The following ARHGEF28 variants were observed in gnomAD, a reference collection of about 807,000 sequenced individuals.
ARHGEF28 encodes the protein Rho guanine nucleotide exchange factor 28, also known as 190 kDa guanine nucleotide exchange factor.
In ARHGEF28, 152 loss-of-function variants were observed where a neutral mutation model predicts 206.6. The ratio of observed to expected loss-of-function variants is 0.74; its 90% CI spans 0.64 to 0.84. The LOEUF (loss-of-function observed/expected upper bound fraction) is 0.84, where lower values mean the gene tolerates loss of function less well. ARHGEF28 is among the 40% of genes least tolerant of loss of function. The probability of loss-of-function intolerance (pLI) is 0.00; values close to 1 mark genes in which losing one functional copy is unlikely to be tolerated. For missense variants in ARHGEF28, 2,028 were observed against 2,073.2 expected (o/e 0.98, Z 0.42); for synonymous variants, 763 against 776.4 (o/e 0.98, Z 0.29).
chr5:73,707,109 G>A (rs564997420), intron 2 of ARHGEF28, among the ~76,000 whole-genome samples: 1 of 152,234 alleles, frequency 6.6e-6, no homozygotes, highest in South Asian at 2.1e-4. Context: ...CCTCCCCTTG[G>A]ACTGTGTGGC....
chr5:73,631,652 C>T (rs1191289751), intron 1 of ARHGEF28, among the ~76,000 whole-genome samples: 1 of 152,162 alleles, frequency 6.6e-6, no homozygotes, highest in Non-Finnish European at 1.5e-5. Context: ...AAGGGTAACA[C>T]CTGCTATTTC....
chr5:73,666,273 C>T (rs1257482432), intron 1 of ARHGEF28, among the ~76,000 whole-genome samples: 1 of 152,208 alleles, frequency 6.6e-6, no homozygotes, highest in African/African-American at 2.4e-5. Flanking sequence ...GGGGTTGGAC[C>T]TCCAAGGTCT....
chr5:73,736,736 A>G (rs1008039191), intron 2 of ARHGEF28, among the ~76,000 whole-genome samples: 1 of 152,070 alleles, frequency 6.6e-6, no homozygotes, highest in African/African-American at 2.4e-5. Flanking sequence ...CTTCAGTAAC[A>G]TCTATATGGT....
At chr5:73,921,635 G>A (rs531155428) in intron 35 of ARHGEF28, among the ~76,000 whole-genome samples, 167 of 152,264 alleles carry the variant, frequency 1.1e-3, no homozygotes, top group Admixed American at 2.6e-3. Flanking sequence ...TATTTTCACA[G>A]TGACTCTTTT....
At position 73,706,449 on chromosome 5, in the gene ARHGEF28, GA is replaced by G. The variant is rs375357547; in HGVS notation, c.33+21575del. ...ATCCCATGGAGAAACATATAACATTGAAAAAAAAAAGAGTCTATTGAAGTTC... is the reference window on the plus strand; with the variant it reads ...ATCCCATGGAGAAACATATAACATTGAAAAAAAAAGAGTCTATTGAAGTTC... On this transcript the variant is annotated intron_variant, in intron 2 of 35. Coordinates refer to ENST00000513042, the MANE Select transcript of ARHGEF28 (RefSeq NM_001177693.2). 6.8e-4 allele frequency among the ~76,000 whole-genome samples: 100 copies of G among 147,244 alleles called. 1 individual carries two copies. The East Asian group carries it at 7.7e-3, about 11-fold the overall frequency.
At chr5:73,806,025 T>C (rs1561416843) in intron 9 of ARHGEF28, among the ~76,000 whole-genome samples, 1 of 151,574 alleles carries the variant, frequency 6.6e-6, no homozygotes, top group African/African-American at 2.4e-5. Context: ...TTTATTAAAC[T>C]CTTTGCTCAT....
At chr5:73,861,201 C>T (rs945930600) in intron 16 of ARHGEF28, among the ~76,000 whole-genome samples, 1 of 152,140 alleles carries the variant, frequency 6.6e-6, no homozygotes, top group Admixed American at 6.6e-5. Flanking sequence ...ACCAGTAAAG[C>T]CTAGGGAGCC....
chr5:73,740,630 C>T (rs150019882), intron 2 of ARHGEF28, among the ~76,000 whole-genome samples: 37 of 152,238 alleles, frequency 2.4e-4, no homozygotes, highest in Non-Finnish European at 4.3e-4. Context: ...ACCCATGAGT[C>T]GTCTCTTCTT....
chr5:73,893,197 T>C lies in ARHGEF28; in HGVS notation c.3567T>C (p.Ser1189=). ...GTCTCTTGACTATTGTCTTTTAAAG[T>C]TGTCCTGAAGAAAAAGGGGGAAGGA... The part of the protein sequence containing the change: ...WMRRIQQAVE[S]CPEEKGGRTS... The change falls in exon 28 of 36, where the codon AGT becomes AGC. Residue 1189 remains serine, a splice_region_variant and synonymous_variant. Transcript: ENST00000513042. 1 of 1,546,572 alleles carries C rather than the reference T, an allele frequency of 6.5e-7. No individual in the cohort carries two copies. Among genetic ancestry groups the C allele is most frequent in the Non-Finnish European group, 8.7e-7 (1 of 1,145,408 alleles).
chr5:73,784,136 A>C (rs1197051134), intron 7 of ARHGEF28, among the ~76,000 whole-genome samples: 1 of 151,780 alleles, frequency 6.6e-6, no homozygotes, highest in Non-Finnish European at 1.5e-5. Context: ...AAAAAAAAAA[A>C]ACCAAACAAA....
chr5:73,733,024 A>C (rs1448910057), intron 2 of ARHGEF28, among the ~76,000 whole-genome samples: 1 of 152,102 alleles, frequency 6.6e-6, no homozygotes, highest in Non-Finnish European at 1.5e-5. Flanking sequence ...TTTGGGGAAC[A>C]GGTGGTGTTT....
In ARHGEF28 at chr5:73,863,031, T is replaced by G. The variant is rs192913845; in HGVS notation, c.2048-1786T>G. ...AGTTAAATAAATTCTTGGACCAAAG[T>G]CTTTTCCCTTCATTGCTTTGCCAAC... On this transcript the variant is annotated intron_variant, in intron 16 of 35. Coordinates refer to ENST00000513042, the MANE Select transcript of ARHGEF28 (RefSeq NM_001177693.2). 21 of 152,274 alleles carry G rather than the reference T, an allele frequency of 1.4e-4. No homozygotes were observed. In the East Asian group the frequency reaches 3.3e-3, roughly 24 times the overall value. 9.4% of individuals were successfully genotyped at this position (152,274 alleles called of 1,614,324 possible). A position where few individuals can be genotyped will look rare whatever the true frequency, so the allele number is the denominator to read the frequency against.
rs185221141 is a variant in ARHGEF28 at position 73,692,312 on chromosome 5, T to G, written c.33+7428T>G. 1.2e-4 allele frequency among the ~76,000 whole-genome samples: 18 copies of G among 152,246 alleles called. No homozygotes were observed. The East Asian group carries it at 3.1e-3, about 26-fold the overall frequency. ...GGGCTCTTGCTCCCTTCCACCCTTC[T>G]GAGGTGCTGTGCAGACATGTTAATC... On this transcript the variant is annotated intron_variant, in intron 2 of 35. Coordinates refer to ENST00000513042, the MANE Select transcript of ARHGEF28 (RefSeq NM_001177693.2).
At chr5:73,816,010 A>G (rs528463953) in intron 9 of ARHGEF28, among the ~76,000 whole-genome samples, 1 of 152,324 alleles carries the variant, frequency 6.6e-6, no homozygotes, top group South Asian at 2.1e-4. Flanking sequence ...ACAGAGTCCC[A>G]GCATCACAGA....
chr5:73,892,532 A>T (rs1761708847), intron 27 of ARHGEF28, among the ~76,000 whole-genome samples: 1 of 152,002 alleles, frequency 6.6e-6, no homozygotes, highest in South Asian at 2.1e-4. Context: ...ATTCTTTAAC[A>T]CCTGCTCACT....
chr5:73,770,296 AC>A (rs1753151059), intron 4 of ARHGEF28, among the ~76,000 whole-genome samples: 1 of 152,184 alleles, frequency 6.6e-6, no homozygotes, highest in African/African-American at 2.4e-5. Context: ...AGTGAGAAGC[AC>A]AAACTCCACA....
intron 1 of ARHGEF28, among the ~76,000 whole-genome samples, chr5:73,683,428 T>G (rs750345): frequency 0.41 from 62,639 of 151,888 alleles, 13,989 homozygotes; most frequent in East Asian, 0.68. Flanking sequence ...TTGATTACTC[T>G]AGGTACCTCA....
chr5:73,752,408 CTT>C (rs2112402239), intron 3 of ARHGEF28, among the ~76,000 whole-genome samples: 2 of 152,270 alleles, frequency 1.3e-5, no homozygotes, highest in East Asian at 3.9e-4. Flanking sequence ...TTTGTTTTCT[CTT>C]GGGTAGTCTT....
intron 22 of ARHGEF28, 105 bp downstream of exon 22, chr5:73,873,351 CAT>C: frequency 1.5e-6 from 2 of 1,353,134 alleles, no homozygotes; most frequent in South Asian, 1.5e-5. Flanking sequence ...TTGAAACATT[CAT>C]AGTGACATTC....
Sources: gnomAD v4.1 joint callset for allele counts (sites outside exome capture counted in the v4.1 genomes callset) on GRCh38, gnomAD v4.1.1 for gene constraint, MANE v1.5 for transcripts, NCBI Gene and HGNC (gene_info 2026-07-23, HGNC 2026-07-21) for gene names.